Variants in PDK1 observed in about 807,000 individuals in gnomAD.
PDK1 encodes the protein [Pyruvate dehydrogenase (acetyl-transferring)] kinase isozyme 1, mitochondrial.
PDK1 carries 39 observed loss-of-function variants against 54.2 expected under a neutral mutation model. The observed-to-expected ratio is 0.72, with a 90% confidence interval of 0.56 to 0.94. PDK1 has a LOEUF of 0.94. Ranked by LOEUF, PDK1 falls within the 40% of genes least tolerant of loss-of-function variation. The probability of loss-of-function intolerance (pLI) is 0.00; values close to 1 mark genes in which losing one functional copy is unlikely to be tolerated. For synonymous variants in PDK1, 221 were observed against 207.1 expected, an observed-to-expected ratio of 1.07 and a Z score of -0.58; for missense variants, 552 against 566.0, an observed-to-expected ratio of 0.98 and a Z score of 0.25.
At chr2:172,556,459 C>T in intron 1 of PDK1, 113 bp downstream of exon 1, 2 of 706,688 alleles carry the variant, frequency 2.8e-6, no homozygotes, top group Non-Finnish European at 4.1e-6. Flanking sequence ...CGCACCCCTC[C>T]TCCTCAGCGT....
chr2:172,603,279 A>T lies in PDK1; in HGVS notation c.*7310A>T, dbSNP rs1377488644. On this transcript the variant is annotated 3_prime_UTR_variant, in exon 11 of 11. Transcript: ENST00000282077. ...TGGTAATCTGATTCTTAGAGTACTT[A>T]AAAAAGATAAGAAGGATCTATTCCT... 6.6e-6 allele frequency: 1 copy of T among 152,220 alleles called. No individual in the cohort carries two copies. Among genetic ancestry groups the T allele is most frequent in the South Asian group, 2.1e-4 (1 of 4,832 alleles). 9.4% of individuals were successfully genotyped at this position (152,220 alleles called of 1,614,324 possible).
chr2:172,556,413 C>G, intron 1 of PDK1, 67 bp downstream of exon 1: 1 of 1,221,014 alleles, frequency 8.2e-7, no homozygotes, highest in Non-Finnish European at 1.1e-6. Flanking sequence ...GCCGCTGCCC[C>G]AGGCCGGGTC....
downstream of PDK1, among the ~76,000 whole-genome samples, chr2:172,612,090 C>A (rs1691481022): frequency 6.6e-6 from 1 of 152,228 alleles, no homozygotes; most frequent in Non-Finnish European, 1.5e-5. Flanking sequence ...AAGAGTATTT[C>A]TCTAAATGTA....
chr2:172,558,694 A>G lies in PDK1; in HGVS notation c.197-14A>G, dbSNP rs1284669742. Reference sequence around the variant, plus strand: ...GCTTTTACTTACTGCTTTACCCATCATGTTTGGTTTCAGGATCAGTGAATG... The same window carrying G: ...GCTTTTACTTACTGCTTTACCCATCGTGTTTGGTTTCAGGATCAGTGAATG... On this transcript the variant is annotated splice_polypyrimidine_tract_variant and intron_variant, in intron 1 of 10. Transcript: ENST00000282077. 1.9e-6 allele frequency: 3 copies of G among 1,589,166 alleles called. No individual in the cohort carries two copies. Among genetic ancestry groups the G allele is most frequent in the Non-Finnish European group, 1.7e-6 (2 of 1,172,216 alleles).
chr2:172,594,317 A>AGG (rs1289286601), intron 10 of PDK1, among the ~76,000 whole-genome samples: 2 of 152,020 alleles, frequency 1.3e-5, no homozygotes, highest in African/African-American at 4.8e-5. Context: ...GAGCCACCAC[A>AGG]CCTGGCCTAG....
chr2:172,624,064 T>C, the PDK1 span, among the ~76,000 whole-genome samples: 1 of 152,206 alleles, frequency 6.6e-6, no homozygotes, highest in Non-Finnish European at 1.5e-5. Context: ...CTGATGGAGC[T>C]ACCAATCATC....
chr2:172,662,493 C>CGTGTGTGTGTGT, the PDK1 span, among the ~76,000 whole-genome samples: 3,529 of 143,578 alleles, frequency 0.025, 97 homozygotes, highest in African/African-American at 0.066. Context: ...TTTTTAAAAT[C>CGTGTGTGTGTGT]GTGTGTGTGT....
the PDK1 span, among the ~76,000 whole-genome samples, chr2:172,703,502 G>A: frequency 6.6e-6 from 1 of 152,090 alleles, no homozygotes; most frequent in Non-Finnish European, 1.5e-5. Flanking sequence ...TTGAGTCCCT[G>A]TCCTTCAGAG....
the PDK1 span, among the ~76,000 whole-genome samples, chr2:172,621,665 A>G: frequency 2.0e-5 from 3 of 147,902 alleles, no homozygotes; most frequent in South Asian, 4.2e-4. Flanking sequence ...TATCATATAT[A>G]TGATATATGT....
At position 172,606,943 on chromosome 2, in the gene PDK1, G is replaced by C. The variant is rs1284756450; in HGVS notation, c.*10974G>C. On this transcript the variant is annotated 3_prime_UTR_variant, in exon 11 of 11. Coordinates refer to ENST00000282077, the MANE Select transcript of PDK1 (RefSeq NM_002610.5). ...CTCTATCATGCCACTTTTGTAGCATGCTTTGGGGTCTTATTCCTGGGATCT... is the reference window on the plus strand; with the variant it reads ...CTCTATCATGCCACTTTTGTAGCATCCTTTGGGGTCTTATTCCTGGGATCT... 1 of 152,100 alleles carries C rather than the reference G, an allele frequency of 6.6e-6. No individual in the cohort carries two copies. The highest frequency in any genetic ancestry group is 1.5e-5 in the Non-Finnish European group (1 of 68,014). The allele number at this position is 152,100 out of a possible 1,614,324, so 9.4% of individuals were successfully genotyped here. A position where few individuals can be genotyped will look rare whatever the true frequency, so the allele number is the denominator to read the frequency against.
At chr2:172,688,352 T>A in the PDK1 span, among the ~76,000 whole-genome samples, 17 of 152,274 alleles carry the variant, frequency 1.1e-4, no homozygotes, top group Non-Finnish European at 2.1e-4. Context: ...GCTCTTTGTG[T>A]GGGATCCCAG....
At chr2:172,664,763 G>T in the PDK1 span, among the ~76,000 whole-genome samples, 1 of 148,680 alleles carries the variant, frequency 6.7e-6, no homozygotes, top group Non-Finnish European at 1.5e-5. Context: ...CTCATAGTTT[G>T]CCTGCTTTTC....
At chr2:172,576,519 T>G (rs944733173) in intron 8 of PDK1, among the ~76,000 whole-genome samples, 7 of 151,906 alleles carry the variant, frequency 4.6e-5, no homozygotes, top group Non-Finnish European at 7.4e-5. Flanking sequence ...TTTATTATAA[T>G]TTCCTTCCTT....
At chr2:172,586,989 G>C (rs1385916964) in intron 9 of PDK1, among the ~76,000 whole-genome samples, 1 of 152,122 alleles carries the variant, frequency 6.6e-6, no homozygotes, top group Non-Finnish European at 1.5e-5. Context: ...AATTTTGTCT[G>C]TAATTCTAGA....
chr2:172,582,541 C>T lies in PDK1; in HGVS notation c.946-3737C>T, dbSNP rs1689968797. 2.0e-5 allele frequency among the ~76,000 whole-genome samples: 3 copies of T among 152,284 alleles called. No individual in the cohort carries two copies. The South Asian group carries it at 6.2e-4, about 32-fold the overall frequency. ...TAATTGGCAAACTTCTCTTCCTTGGCCTTCCTGTTGACATTACTTATCTCA... is the reference window on the plus strand; with the variant it reads ...TAATTGGCAAACTTCTCTTCCTTGGTCTTCCTGTTGACATTACTTATCTCA... On this transcript the variant is annotated intron_variant, in intron 8 of 10. Transcript: ENST00000282077.
chr2:172,652,883 T>C, the PDK1 span, among the ~76,000 whole-genome samples: 1 of 152,132 alleles, frequency 6.6e-6, no homozygotes, highest in South Asian at 2.1e-4. Flanking sequence ...ATCGTGAAAA[T>C]GGCCATACTG....
chr2:172,588,272 G>A (rs1690372939), intron 9 of PDK1, among the ~76,000 whole-genome samples: 1 of 152,206 alleles, frequency 6.6e-6, no homozygotes, highest in East Asian at 1.9e-4. Flanking sequence ...TGTAGTAAAC[G>A]AATATTGTAG....
intron 8 of PDK1, among the ~76,000 whole-genome samples, chr2:172,580,850 C>T (rs556770832): frequency 6.6e-6 from 1 of 151,536 alleles, no homozygotes; most frequent in East Asian, 1.9e-4. Context: ...TGAAAGAAGC[C>T]AATCACAAAA....
chr2:172,624,225 G>T, the PDK1 span, among the ~76,000 whole-genome samples: 24 of 152,248 alleles, frequency 1.6e-4, no homozygotes, highest in South Asian at 4.4e-3. Context: ...AATGGTTGGG[G>T]AAAGCTTATC....
Sources: allele counts gnomAD v4.1 joint callset (sites outside exome capture counted in the v4.1 genomes callset), GRCh38; gene constraint gnomAD v4.1.1; transcripts MANE v1.5; gene names NCBI Gene and HGNC (gene_info 2026-07-23, HGNC 2026-07-21).